Variants in AGBL4 observed in about 807,000 individuals in gnomAD.
The protein encoded by AGBL4 is cytosolic carboxypeptidase 6.
Under a neutral mutation model 66.4 loss-of-function variants are expected in AGBL4, and 58 were observed. That is an observed-to-expected ratio of 0.87 (90% CI 0.71 to 1.09). AGBL4 has a LOEUF of 1.09. AGBL4 is among the 50% of genes least tolerant of loss of function. AGBL4 has a pLI of 0.00. For synonymous variants in AGBL4, 234 were observed against 222.9 expected (o/e 1.05, Z -0.44); for missense variants, 579 against 631.0 (o/e 0.92, Z 0.88).
chr1:49,941,052 A>G (rs941387944), intron 1 of AGBL4, among the ~76,000 whole-genome samples: 1 of 152,146 alleles, frequency 6.6e-6, no homozygotes, highest in African/African-American at 2.4e-5. Flanking sequence ...TGAGCCAACA[A>G]ATTGGATAAT....
chr1:49,622,794 T>C (rs1645393022), intron 3 of AGBL4, among the ~76,000 whole-genome samples: 1 of 152,210 alleles, frequency 6.6e-6, no homozygotes, highest in Non-Finnish European at 1.5e-5. Flanking sequence ...TTTGTTATGA[T>C]TATCTTCAAT....
At chr1:49,534,738 C>T (rs1651434471) in intron 3 of AGBL4, among the ~76,000 whole-genome samples, 1 of 152,162 alleles carries the variant, frequency 6.6e-6, no homozygotes, top group Admixed American at 6.5e-5. Flanking sequence ...TGAACACTCC[C>T]TGTAAGAATC....
chr1:49,558,329 C>A (rs1225252828), intron 3 of AGBL4, among the ~76,000 whole-genome samples: 3 of 151,988 alleles, frequency 2.0e-5, no homozygotes, highest in African/African-American at 4.8e-5. Flanking sequence ...ATTTTGGGAT[C>A]CCTGATTCTG....
chr1:48,939,215 G>C (rs1333384581), intron 5 of AGBL4, among the ~76,000 whole-genome samples: 3 of 152,144 alleles, frequency 2.0e-5, no homozygotes, highest in Non-Finnish European at 2.9e-5. Context: ...ACAATTCCTG[G>C]CACAAAGGAG....
chr1:49,639,544 GC>G (rs1393310844), intron 3 of AGBL4, among the ~76,000 whole-genome samples: 1 of 152,142 alleles, frequency 6.6e-6, no homozygotes, highest in African/African-American at 2.4e-5. Context: ...AAGTGGTAGA[GC>G]CTGGATCCAA....
At chr1:49,864,181 C>A (rs1646644497) in intron 1 of AGBL4, among the ~76,000 whole-genome samples, 3 of 152,066 alleles carry the variant, frequency 2.0e-5, no homozygotes, top group Admixed American at 2.0e-4. Context: ...ATTGCATGTT[C>A]TCATTTATTT....
chr1:49,556,321 T>C (rs1643896511), intron 3 of AGBL4, among the ~76,000 whole-genome samples: 1 of 151,840 alleles, frequency 6.6e-6, no homozygotes, highest in Non-Finnish European at 1.5e-5. Context: ...TAGGTGGGAA[T>C]TGAATAAGGA....
intron 3 of AGBL4, among the ~76,000 whole-genome samples, chr1:49,451,773 G>T (rs931201041): frequency 6.6e-6 from 1 of 151,870 alleles, no homozygotes; most frequent in Non-Finnish European, 1.5e-5. Flanking sequence ...CTTCAGTGCC[G>T]ATTATAAGAA....
intron 6 of AGBL4, among the ~76,000 whole-genome samples, chr1:48,808,174 A>ATATCAGT (rs1443674760): frequency 6.6e-6 from 1 of 152,118 alleles, no homozygotes; most frequent in Admixed American, 6.5e-5. Context: ...AACCTATTTG[A>ATATCAGT]TATCAGTTTC....
At chr1:48,963,360 T>G (rs1658158612) in intron 5 of AGBL4, among the ~76,000 whole-genome samples, 3 of 152,114 alleles carry the variant, frequency 2.0e-5, no homozygotes, top group African/African-American at 7.2e-5. Context: ...AAGGGGATAT[T>G]CAAACTATAG....
chr1:49,257,035 T>C (rs1652565366), intron 3 of AGBL4, among the ~76,000 whole-genome samples: 1 of 150,330 alleles, frequency 6.7e-6, no homozygotes, highest in Non-Finnish European at 1.5e-5. Context: ...TCAAAGTATG[T>C]ACAGTTTTTT....
At chr1:48,968,859 C>A (rs1658667274) in intron 5 of AGBL4, among the ~76,000 whole-genome samples, 1 of 152,100 alleles carries the variant, frequency 6.6e-6, no homozygotes, top group Non-Finnish European at 1.5e-5. Flanking sequence ...TGCCCAGCAT[C>A]AAGAGAAACC....
intron 5 of AGBL4, among the ~76,000 whole-genome samples, chr1:48,943,123 A>T (rs1441402608): frequency 6.6e-6 from 1 of 152,166 alleles, no homozygotes; most frequent in Non-Finnish European, 1.5e-5. Flanking sequence ...TTGTACAGTA[A>T]ACAAACTCAT....
intron 4 of AGBL4, among the ~76,000 whole-genome samples, chr1:49,133,369 T>A (rs560504317): frequency 4.6e-4 from 70 of 152,254 alleles, no homozygotes; most frequent in Non-Finnish European, 8.7e-4. Flanking sequence ...ACCTGCACAT[T>A]CTGCACATGT....
At chr1:49,877,902 C>T (rs1647070709) in intron 1 of AGBL4, among the ~76,000 whole-genome samples, 1 of 152,054 alleles carries the variant, frequency 6.6e-6, no homozygotes, top group Non-Finnish European at 1.5e-5. Context: ...GTGTATGTGT[C>T]TACGAATGTA....
intron 3 of AGBL4, among the ~76,000 whole-genome samples, chr1:49,285,057 C>T (rs1169106987): frequency 6.6e-6 from 1 of 152,022 alleles, no homozygotes; most frequent in East Asian, 1.9e-4. Flanking sequence ...CACCCCAAAT[C>T]AACAGAATAT....
intron 3 of AGBL4, among the ~76,000 whole-genome samples, chr1:49,479,741 G>A (rs1646917852): frequency 1.4e-5 from 2 of 138,832 alleles, no homozygotes; most frequent in South Asian, 2.2e-4. Context: ...TCGCTCTGTC[G>A]CCCAGGCTGG....
At chr1:48,538,515 C>T (rs942254379) in intron 12 of AGBL4, among the ~76,000 whole-genome samples, 11 of 152,166 alleles carry the variant, frequency 7.2e-5, no homozygotes, top group East Asian at 1.9e-4. Flanking sequence ...CTTCTACTTG[C>T]GGTGAACCTT....
chr1:49,271,177 G>T (rs1644049554), intron 3 of AGBL4, among the ~76,000 whole-genome samples: 1 of 152,020 alleles, frequency 6.6e-6, no homozygotes, highest in Non-Finnish European at 1.5e-5. Context: ...GTCCTTCCAT[G>T]AGCAGCTTTT....
Sources: allele counts gnomAD v4.1 joint callset (sites outside exome capture counted in the v4.1 genomes callset), GRCh38; gene constraint gnomAD v4.1.1; transcripts MANE v1.5; gene names NCBI Gene and HGNC (gene_info 2026-07-23, HGNC 2026-07-21).